The following ZNF555 variants were observed in gnomAD, a reference collection of about 807,000 sequenced individuals.
ZNF555 encodes zinc finger protein 555.
In ZNF555, 10 loss-of-function variants were observed where a neutral mutation model predicts 14.0. The ratio of observed to expected loss-of-function variants is 0.72; its 90% CI spans 0.44 to 1.21. ZNF555 has a LOEUF of 1.21. ZNF555 is among the 50% of genes most tolerant of loss of function. The probability of loss-of-function intolerance (pLI) is 0.00; values close to 1 mark genes in which losing one functional copy is unlikely to be tolerated. For missense variants in ZNF555, 747 were observed against 762.0 expected (o/e 0.98, Z 0.23); for synonymous variants, 277 against 262.4 (o/e 1.06, Z -0.54).
Position 2,841,528 on chromosome 19 carries a change from C to A in ZNF555, c.-45C>A. The A allele has an allele frequency of 6.5e-7, 1 of 1,545,502 alleles. No homozygotes were observed. On this transcript the variant is annotated 5_prime_UTR_variant, in exon 1 of 4. In the 5' UTR this introduces an upstream ATG that the reference lacks. Coordinates refer to ENST00000334241, the MANE Select transcript of ZNF555 (RefSeq NM_152791.5). ...CTAGCGGTCCCTGGCGTCCCGGTTC[C>A]TGTCGCGCTCACCTGCGCCGGTAGC...
rs1490998025 is a variant in ZNF555, at chr19:2,852,998, A to G, written c.933A>G (p.Pro311=). 1 of 1,613,740 alleles carries G rather than the reference A, an allele frequency of 6.2e-7. No individual in the cohort carries two copies. Among genetic ancestry groups the G allele is most frequent in the South Asian group, 1.1e-5 (1 of 91,058 alleles). The change falls in exon 4 of 4, where the codon CCA becomes CCG. Residue 311 remains proline (P), a synonymous_variant. Coordinates refer to ENST00000334241, the MANE Select transcript of ZNF555 (RefSeq NM_152791.5). ...TGATTTCACACACTGGAGAGAAGCCACATAAATGTAAAGAATGTGGGGAGG... is the reference window on the plus strand; with the variant it reads ...TGATTTCACACACTGGAGAGAAGCCGCATAAATGTAAAGAATGTGGGGAGG... ...RHMISHTGEK[P]HKCKECGEAF...
Position 2,856,760 on chromosome 19 carries a change from ATT to A in ZNF555, c.*2809_*2810del, listed in dbSNP as rs1164041076. On this transcript the variant is annotated 3_prime_UTR_variant, in exon 4 of 4. Coordinates refer to ENST00000334241, the MANE Select transcript of ZNF555 (RefSeq NM_152791.5). ...TCAAGGAAGCCAGGCTTTGGTCTGGATTGGATGTTCTCAGGTCATGAATATAA... is the reference window on the plus strand; with the variant it reads ...TCAAGGAAGCCAGGCTTTGGTCTGGAGGATGTTCTCAGGTCATGAATATAA... The A allele has an allele frequency of 1.3e-5, 2 of 152,186 alleles. No homozygotes were observed. The highest frequency in any genetic ancestry group is 1.3e-4 in the Admixed American group (2 of 15,280). 9.4% of individuals were successfully genotyped at this position (152,186 alleles called of 1,614,324 possible).
intron 1 of ZNF555, among the ~76,000 whole-genome samples, chr19:2,841,832 C>T (rs2087539334): frequency 6.6e-6 from 1 of 151,626 alleles, no homozygotes; most frequent in Admixed American, 6.6e-5. Context: ...CGGAGCCCGA[C>T]TCCGTCCCCG....
Position 2,854,018 on chromosome 19 carries a change from G to A in ZNF555, c.*66G>A, listed in dbSNP as rs1238270983. On this transcript the variant is annotated 3_prime_UTR_variant, in exon 4 of 4. Transcript: ENST00000334241. ...TAGTTCATTTGCAAATAAACATTTA[G>A]TTGAAAAATAATTCTCCAAATACTC... The A allele has an allele frequency of 1.3e-6, 2 of 1,573,458 alleles. No homozygotes were observed. Among genetic ancestry groups the A allele is most frequent in the Non-Finnish European group, 1.7e-6 (2 of 1,158,312 alleles).
intron 3 of ZNF555, 61 bp downstream of exon 3, chr19:2,851,712 C>A: frequency 7.3e-7 from 1 of 1,375,026 alleles, no homozygotes; most frequent in Non-Finnish European, 9.5e-7. Context: ...TGTCATTAAA[C>A]TTTAAAAAAG....
intron 1 of ZNF555, chr19:2,847,372 T>C (rs2087590530): frequency 6.6e-6 from 1 of 152,198 alleles, no homozygotes; most frequent in Non-Finnish European, 1.5e-5. Flanking sequence ...AGGGATAGCA[T>C]TTGGAGATAT....
chr19:2,842,944 G>A (rs1431281248), intron 1 of ZNF555, among the ~76,000 whole-genome samples: 9 of 152,022 alleles, frequency 5.9e-5, no homozygotes, highest in Non-Finnish European at 1.0e-4. Context: ...TCGGGAGGCT[G>A]AGGCGGGAAA....
At position 2,851,618 on chromosome 19, in the gene ZNF555, A is replaced by T; in HGVS notation, c.281A>T (p.Glu94Val). Residue 94 changes from glutamate to valine, a missense_variant, in exon 3 of 4, where the codon GAA (glutamate) becomes GTA (valine). Transcript: ENST00000334241. Reference sequence around the variant, plus strand: ...AAAATTTGGGACAGTCTTAGCATCGAAGATCAAACCACAAACCAGGGGAGA... The same window carrying T: ...AAAATTTGGGACAGTCTTAGCATCGTAGATCAAACCACAAACCAGGGGAGA... ...LGKIWDSLSI[E>V]DQTTNQGRNL... is the part of the protein sequence containing the mutation. 1 of 1,599,252 alleles carries T rather than the reference A, an allele frequency of 6.3e-7. No homozygotes were observed. Among genetic ancestry groups the T allele is most frequent in the Non-Finnish European group, 8.5e-7 (1 of 1,175,430 alleles).
chr19:2,842,247 C>T (rs566598359), intron 1 of ZNF555, among the ~76,000 whole-genome samples: 21 of 152,292 alleles, frequency 1.4e-4, no homozygotes, highest in African/African-American at 4.3e-4. Context: ...GGTTTTCCTT[C>T]TTGAGGACTT....
Position 2,853,064 on chromosome 19 carries a change from A to AC in ZNF555, c.1000dup (p.His334ProfsTer26). Reference sequence around the variant, plus strand: ...CGGCTTTTCGAAGACACATGATAACACACACTGGAGAGAAACCCTACGAAT... The same window carrying AC: ...CGGCTTTTCGAAGACACATGATAACACCACACTGGAGAGAAACCCTACGAAT... On this transcript the variant is annotated frameshift_variant, in exon 4 of 4. Transcript: ENST00000334241. LOFTEE classifies it low-confidence loss of function (END_TRUNC). 6.2e-7 allele frequency: 1 copy of AC among 1,614,160 alleles called. No homozygotes were observed. Among genetic ancestry groups the AC allele is most frequent in the Non-Finnish European group, 8.5e-7 (1 of 1,180,024 alleles).
chr19:2,850,454 G>A, intron 1 of ZNF555, 133 bp from the exon 2 acceptor site: 1 of 1,230,010 alleles, frequency 8.1e-7, no homozygotes. Context: ...GGAAGGAAGA[G>A]GTGTGACAAC....
chr19:2,854,105 T>C lies in ZNF555; in HGVS notation c.*153T>C. The C allele has an allele frequency of 1.1e-6, 1 of 935,756 alleles. No individual in the cohort carries two copies. Among genetic ancestry groups the C allele is most frequent in the Non-Finnish European group, 1.6e-6 (1 of 644,490 alleles). 58.0% of individuals were successfully genotyped at this position (935,756 alleles called of 1,614,324 possible). A position where few individuals can be genotyped will look rare whatever the true frequency, so the allele number is the denominator to read the frequency against. On this transcript the variant is annotated 3_prime_UTR_variant, in exon 4 of 4. Transcript: ENST00000334241. ...TACGATTCAGTAAATAAAACTTTCA[T>C]CTTAGAGTGTTTTGGACTCATGGAT...
At chr19:2,852,198 T>G (rs2087635978) in intron 3 of ZNF555, among the ~76,000 whole-genome samples, 182 bp from the exon 4 acceptor site, 1 of 151,944 alleles carries the variant, frequency 6.6e-6, no homozygotes, top group African/African-American at 2.4e-5. Flanking sequence ...TAAGAAACAC[T>G]GTTTTAATAA....
chr19:2,853,307 C>T lies in ZNF555; in HGVS notation c.1242C>T (p.His414=), dbSNP rs1369189137. ...GTCACCCCTCCTCCTTTCGAGGACACATGAGGGTGCACACTGGAGAGAAAC... is the reference window on the plus strand; with the variant it reads ...GTCACCCCTCCTCCTTTCGAGGACATATGAGGGTGCACACTGGAGAGAAAC... ...AFSHPSSFRG[H]MRVHTGEKPY... is the part of the protein sequence containing the mutation. The change falls in exon 4 of 4, where the codon CAC becomes CAT. Residue 414 remains histidine (H), a synonymous_variant. Coordinates refer to ENST00000334241, the MANE Select transcript of ZNF555 (RefSeq NM_152791.5). 3.1e-6 allele frequency: 5 copies of T among 1,613,254 alleles called. No individual in the cohort carries two copies. Among genetic ancestry groups the T allele is most frequent in the Non-Finnish European group, 3.4e-6 (4 of 1,179,772 alleles).
rs1254063502 is a variant in ZNF555, at chr19:2,852,452, T to C, written c.387T>C (p.His129=). ...GAGAAGCCCTCAGCCAGATTCCACA[T>C]CTTAATCTGTACAAGAAAATTCCAC... The part of the protein sequence containing the change: ...QCGEALSQIP[H]LNLYKKIPPG... Residue 129 remains histidine, a synonymous_variant, in exon 4 of 4, where the codon CAT becomes CAC. Coordinates refer to ENST00000334241, the MANE Select transcript of ZNF555 (RefSeq NM_152791.5). 1 of 1,614,160 alleles carries C rather than the reference T, an allele frequency of 6.2e-7. No homozygotes were observed. Among genetic ancestry groups the C allele is most frequent in the South Asian group, 1.1e-5 (1 of 91,090 alleles).
At position 2,853,396 on chromosome 19, in the gene ZNF555, G is replaced by A; in HGVS notation, c.1331G>A (p.Arg444Lys). The part of the protein sequence containing the change: ...NWPISLRKHM[R>K]THTREKPYEC... The stretch of plus-strand genomic sequence containing the variant: ...CCCATATCTTTACGAAAACATATGA[G>A]AACACATACTAGAGAGAAACCCTAT... Residue 444 changes from arginine to lysine, a missense_variant, in exon 4 of 4, where the codon AGA becomes AAA. Arg to Lys is a conservative substitution (Grantham distance 26, BLOSUM62 2). Coordinates refer to ENST00000334241, the MANE Select transcript of ZNF555 (RefSeq NM_152791.5). 1 of 1,614,080 alleles carries A rather than the reference G, an allele frequency of 6.2e-7. No individual in the cohort carries two copies. The highest frequency in any genetic ancestry group is 1.3e-5 in the African/African-American group (1 of 75,044).
Position 2,841,536 on chromosome 19 carries a change from C to T in ZNF555, c.-37C>T. 6.5e-7 allele frequency: 1 copy of T among 1,545,112 alleles called. No individual in the cohort carries two copies. The highest frequency in any genetic ancestry group is 8.7e-7 in the Non-Finnish European group (1 of 1,144,346). ...CCCTGGCGTCCCGGTTCCTGTCGCGCTCACCTGCGCCGGTAGCGAAGAAAT... is the reference window on the plus strand; with the variant it reads ...CCCTGGCGTCCCGGTTCCTGTCGCGTTCACCTGCGCCGGTAGCGAAGAAAT... On this transcript the variant is annotated 5_prime_UTR_variant, in exon 1 of 4. Coordinates refer to ENST00000334241, the MANE Select transcript of ZNF555 (RefSeq NM_152791.5).
In ZNF555 at chr19:2,854,352, A is replaced by G. The variant is rs1423307817; in HGVS notation, c.*400A>G. 5.3e-6 allele frequency: 1 copy of G among 190,352 alleles called. No homozygotes were observed. Among genetic ancestry groups the G allele is most frequent in the African/African-American group, 2.4e-5 (1 of 41,744 alleles). 11.8% of individuals were successfully genotyped at this position (190,352 alleles called of 1,614,324 possible). A position where few individuals can be genotyped will look rare whatever the true frequency, so the allele number is the denominator to read the frequency against. ...TTATGCAAAGTTGTTTAAGGAGTAT[A>G]GCCTCAAATGAATTGTAATTTTTAA... is the stretch of plus-strand genomic sequence containing the variant. On this transcript the variant is annotated 3_prime_UTR_variant, in exon 4 of 4. Transcript: ENST00000334241.
In ZNF555 at chr19:2,854,125, A is replaced by G. The variant is rs754410330; in HGVS notation, c.*173A>G. 7 of 741,708 alleles carry G rather than the reference A, an allele frequency of 9.4e-6. No individual in the cohort carries two copies. The highest frequency in any genetic ancestry group is 1.8e-5 in the African/African-American group (1 of 55,784). 45.9% of individuals were successfully genotyped at this position (741,708 alleles called of 1,614,324 possible). A position where few individuals can be genotyped will look rare whatever the true frequency, so the allele number is the denominator to read the frequency against. On this transcript the variant is annotated 3_prime_UTR_variant, in exon 4 of 4. Coordinates refer to ENST00000334241, the MANE Select transcript of ZNF555 (RefSeq NM_152791.5). ...TTTCATCTTAGAGTGTTTTGGACTCATGGATGATTTGAAGTGTATTTTTAA... is the reference window on the plus strand; with the variant it reads ...TTTCATCTTAGAGTGTTTTGGACTCGTGGATGATTTGAAGTGTATTTTTAA...
Sources: allele counts gnomAD v4.1 joint callset (sites outside exome capture counted in the v4.1 genomes callset), GRCh38; gene constraint gnomAD v4.1.1; transcripts MANE v1.5; gene names NCBI Gene and HGNC (gene_info 2026-07-23, HGNC 2026-07-21).